HEATR4: variants seen among roughly 807,000 people sequenced by gnomAD.
The protein encoded by HEATR4 is HEAT repeat containing 4.
HEATR4 carries 95 observed loss-of-function variants against 108.8 expected under a neutral mutation model. The observed-to-expected ratio is 0.87, with a 90% CI of 0.74 to 1.04. The LOEUF (loss-of-function observed/expected upper bound fraction) is 1.04, where lower values mean the gene tolerates loss of function less well. Among genes scored for constraint, HEATR4 ranks in the 50% least tolerant of loss-of-function variants. HEATR4 has a pLI of 0.00. For synonymous variants in HEATR4, 443 were observed against 459.4 expected (o/e 0.96, Z 0.46); for missense variants, 1,152 against 1,253.8 (o/e 0.92, Z 1.23).
At chr14:73,595,291 A>C in the HEATR4 span, 1 of 1,614,210 alleles carries the variant, frequency 6.2e-7, no homozygotes, top group Non-Finnish European at 8.5e-7. Context: ...CTCTCGTAGG[A>C]GGGTACAAGA....
At chr14:73,603,970 G>A in the HEATR4 span, among the ~76,000 whole-genome samples, 1 of 152,110 alleles carries the variant, frequency 6.6e-6, no homozygotes, top group Non-Finnish European at 1.5e-5. Context: ...TTGACCTCAT[G>A]ATGTGCCTGC....
At chr14:73,535,465 C>CTT (rs1888827549) in intron 1 of HEATR4, among the ~76,000 whole-genome samples, 3 of 15,806 alleles carry the variant, frequency 1.9e-4, no homozygotes, top group South Asian at 2.5e-3. Flanking sequence ...TCTTTTTCTT[C>CTT]TTTCTTTTTT....
At chr14:73,619,745 A>T in the HEATR4 span, 1 of 1,613,986 alleles carries the variant, frequency 6.2e-7, no homozygotes, top group Non-Finnish European at 8.5e-7. Flanking sequence ...CCAAAGGCTC[A>T]CTCAAAGGCA....
upstream of HEATR4, among the ~76,000 whole-genome samples, chr14:73,562,855 A>G (rs1358364170): frequency 1.3e-5 from 2 of 151,938 alleles, no homozygotes; most frequent in African/African-American, 4.8e-5. Context: ...TTATCAAGAA[A>G]ATACATGCAC....
At position 73,495,373 on chromosome 14, in the gene HEATR4, G is replaced by A; in HGVS notation, c.2640C>T (p.Ser880=). The A allele has an allele frequency of 2.5e-6, 4 of 1,613,462 alleles. No individual in the cohort carries two copies. The highest frequency in any genetic ancestry group is 3.4e-6 in the Non-Finnish European group (4 of 1,179,714). ...QEIKNRIKTL[S]QKDLLTHKIL... The stretch of plus-strand genomic sequence containing the variant: ...TTTTGTGTGTCAGCAAGTCCTTTTG[G>A]CTTAGTGTTTTAATCTAAATTAGAA... The change falls in exon 16 of 18, where the codon AGC becomes AGT. Residue 880 remains serine, a synonymous_variant. Transcript: ENST00000553558.
At chr14:73,498,717 G>A (rs949395748) in intron 13 of HEATR4, among the ~76,000 whole-genome samples, 4 of 152,224 alleles carry the variant, frequency 2.6e-5, no homozygotes, top group African/African-American at 9.6e-5. Context: ...TTTTAGGTCT[G>A]TAGCAGTCTT....
chr14:73,595,353 T>C, the HEATR4 span: 1 of 1,614,142 alleles, frequency 6.2e-7, no homozygotes, highest in Non-Finnish European at 8.5e-7. Context: ...CTGCTCATTG[T>C]TGGTCAGGAT....
rs1555391578 is a variant in HEATR4, at chr14:73,514,139, T to C, written c.1306A>G (p.Lys436Glu). The C allele has an allele frequency of 1.2e-6, 2 of 1,614,188 alleles. No individual in the cohort carries two copies. The highest frequency in any genetic ancestry group is 2.2e-5 in the South Asian group (2 of 91,084). Residue 436 changes from lysine to glutamate, a missense_variant, in exon 6 of 18, where the codon AAG becomes GAG. Transcript: ENST00000553558. The part of the protein sequence containing the change: ...LQVGEKDVPI[K>E]TRRLKKQAKS... ...GCCTGCTTCTTCAATCTCCTGGTCT[T>C]AATAGGCACATCCTTCTCACCCACC...
At chr14:73,627,170 C>A in the HEATR4 span, among the ~76,000 whole-genome samples, 1 of 151,640 alleles carries the variant, frequency 6.6e-6, no homozygotes, top group South Asian at 2.1e-4. Context: ...TCATCTAGGA[C>A]TTTCATAGTT....
the HEATR4 span, chr14:73,569,349 A>G: frequency 6.2e-7 from 1 of 1,613,960 alleles, no homozygotes; most frequent in Non-Finnish European, 8.5e-7. Context: ...GTACCAATGG[A>G]GCCTGAAGAG....
the HEATR4 span, among the ~76,000 whole-genome samples, chr14:73,590,103 A>AT: frequency 1.3e-5 from 2 of 152,164 alleles, no homozygotes; most frequent in Non-Finnish European, 2.9e-5. Flanking sequence ...AACCCCAACA[A>AT]GTTGCCACTG....
At chr14:73,511,778 G>C (rs1029065139) in intron 7 of HEATR4, among the ~76,000 whole-genome samples, 1 of 152,160 alleles carries the variant, frequency 6.6e-6, no homozygotes, top group Non-Finnish European at 1.5e-5. Flanking sequence ...GCAGGCCACT[G>C]AGCAAACAAA....
intron 4 of HEATR4, chr14:73,520,606 C>A: frequency 5.0e-6 from 2 of 403,724 alleles, no homozygotes; most frequent in Admixed American, 4.0e-5. Context: ...CAGTTCCACC[C>A]TTCATTGCCT....
chr14:73,576,169 A>AAATT, the HEATR4 span, among the ~76,000 whole-genome samples: 44 of 151,878 alleles, frequency 2.9e-4, no homozygotes, highest in African/African-American at 9.4e-4. Flanking sequence ...TCTGCCTCAA[A>AAATT]AATTAATTAA....
the HEATR4 span, among the ~76,000 whole-genome samples, chr14:73,627,485 G>C: frequency 6.6e-6 from 1 of 152,144 alleles, no homozygotes. Context: ...CCTCCTTGTT[G>C]GGTTTGATTT....
chr14:73,480,708 G>A (rs1337480741), intron 17 of HEATR4, among the ~76,000 whole-genome samples: 2 of 152,058 alleles, frequency 1.3e-5, no homozygotes, highest in Non-Finnish European at 2.9e-5. Context: ...CTACACAATG[G>A]AAGAGTATTC....
At chr14:73,632,352 G>A in the HEATR4 span, among the ~76,000 whole-genome samples, 1 of 151,916 alleles carries the variant, frequency 6.6e-6, no homozygotes. Flanking sequence ...TAAAATAAAA[G>A]GTCCTCTTAA....
intron 17 of HEATR4, chr14:73,491,064 C>G: frequency 6.3e-7 from 1 of 1,593,322 alleles, no homozygotes. Flanking sequence ...CGCGGGCGGC[C>G]GAAGCGCCGG....
the HEATR4 span, chr14:73,592,283 G>A: frequency 6.2e-7 from 1 of 1,612,390 alleles, no homozygotes; most frequent in African/African-American, 1.3e-5. Context: ...AGTTGGAGGT[G>A]CTGGACGGCC....
Sources: gnomAD v4.1 joint callset for allele counts (sites outside exome capture counted in the v4.1 genomes callset) on GRCh38, gnomAD v4.1.1 for gene constraint, MANE v1.5 for transcripts, NCBI Gene and HGNC (gene_info 2026-07-23, HGNC 2026-07-21) for gene names.